Variants in ASTN2 observed in about 807,000 individuals in gnomAD.
The protein encoded by ASTN2 is astrotactin 2.
In ASTN2, 54 loss-of-function variants were observed where a neutral mutation model predicts 139.8. The observed-to-expected ratio is 0.39, with a 90% confidence interval of 0.31 to 0.48. The LOEUF (loss-of-function observed/expected upper bound fraction) is 0.48. Among genes scored for constraint, ASTN2 ranks in the 20% least tolerant of loss-of-function variants. The pLI is 0.95. For synonymous variants in ASTN2, 756 were observed against 719.5 expected (o/e 1.05, Z -0.81); for missense variants, 1,565 against 1,725.1 (o/e 0.91, Z 1.64).
chr9:116,760,808 C>A (rs568350215), intron 13 of ASTN2, among the ~76,000 whole-genome samples: 1 of 151,996 alleles, frequency 6.6e-6, no homozygotes, highest in Non-Finnish European at 1.5e-5. Flanking sequence ...TGGGAAAATG[C>A]AAATCTGCAC....
At chr9:117,263,312 T>C (rs958212100) in intron 2 of ASTN2, among the ~76,000 whole-genome samples, 1 of 152,188 alleles carries the variant, frequency 6.6e-6, no homozygotes, top group African/African-American at 2.4e-5. Context: ...TGTGAACATT[T>C]TTATCTAACT....
chr9:116,832,829 G>T (rs1294104847), intron 11 of ASTN2, among the ~76,000 whole-genome samples: 1 of 151,870 alleles, frequency 6.6e-6, no homozygotes, highest in East Asian at 1.9e-4. Context: ...GTAGTTTTCT[G>T]TTTTTGAACT....
At chr9:116,493,130 A>G (rs1849568123) in intron 19 of ASTN2, among the ~76,000 whole-genome samples, 1 of 152,094 alleles carries the variant, frequency 6.6e-6, no homozygotes, top group South Asian at 2.1e-4. Flanking sequence ...ACCTTAATTC[A>G]AGGATTTGCA....
chr9:116,993,351 C>T (rs1299639107), intron 7 of ASTN2, among the ~76,000 whole-genome samples: 1 of 152,012 alleles, frequency 6.6e-6, no homozygotes, highest in Non-Finnish European at 1.5e-5. Context: ...CAGATATCCA[C>T]AAGGCATGCT....
At chr9:116,681,212 C>A (rs1490366140) in intron 16 of ASTN2, among the ~76,000 whole-genome samples, 1 of 152,202 alleles carries the variant, frequency 6.6e-6, no homozygotes, top group Admixed American at 6.5e-5. Flanking sequence ...AAATCACAAG[C>A]ATTCTTATAT....
intron 19 of ASTN2, among the ~76,000 whole-genome samples, chr9:116,596,080 T>C (rs1191723946): frequency 6.6e-6 from 1 of 152,202 alleles, no homozygotes; most frequent in African/African-American, 2.4e-5. Context: ...ATGCATACAA[T>C]GGATTATCAT....
In ASTN2 at chr9:117,372,343, G is replaced by C. The variant is rs546589854; in HGVS notation, c.442+42154C>G. 3.3e-5 allele frequency among the ~76,000 whole-genome samples: 5 copies of C among 152,194 alleles called. No homozygotes were observed. The South Asian group carries it at 1.0e-3, about 32-fold the overall frequency. ...CTAAGTCAATGATCAGTCAGATATT[G>C]GTACTAGTTAGCAAGTCTTACCAAA... On this transcript the variant is annotated intron_variant, in intron 1 of 22. Coordinates refer to ENST00000313400, the MANE Select transcript of ASTN2 (RefSeq NM_001365068.1).
chr9:116,731,956 A>T (rs906864452), intron 14 of ASTN2, among the ~76,000 whole-genome samples: 1 of 152,212 alleles, frequency 6.6e-6, no homozygotes, highest in Non-Finnish European at 1.5e-5. Flanking sequence ...AGGAGGGAAG[A>T]TTAGACTAGA....
At chr9:116,754,259 C>A (rs144605918) in intron 13 of ASTN2, among the ~76,000 whole-genome samples, 1 of 152,066 alleles carries the variant, frequency 6.6e-6, no homozygotes, top group African/African-American at 2.4e-5. Flanking sequence ...TGAATAGTGC[C>A]GCCATAAACA....
At chr9:116,829,791 C>A (rs1023254420) in intron 11 of ASTN2, among the ~76,000 whole-genome samples, 5 of 152,170 alleles carry the variant, frequency 3.3e-5, no homozygotes, top group African/African-American at 4.8e-5. Flanking sequence ...CAAATCATAT[C>A]ACTGGTCAAT....
chr9:116,454,601 G>A (rs748809862), intron 20 of ASTN2, among the ~76,000 whole-genome samples: 1 of 152,144 alleles, frequency 6.6e-6, no homozygotes, highest in African/African-American at 2.4e-5. Context: ...TATGTTTATT[G>A]TGGCACTATT....
At chr9:117,003,134 C>T (rs560579310) in intron 7 of ASTN2, among the ~76,000 whole-genome samples, 99 of 152,262 alleles carry the variant, frequency 6.5e-4, no homozygotes, top group African/African-American at 2.2e-3. Context: ...CAAATACAGG[C>T]AGAAGATGAG....
chr9:117,374,369 TAAAA>T (rs57428022), intron 1 of ASTN2, among the ~76,000 whole-genome samples: 7 of 87,338 alleles, frequency 8.0e-5, no homozygotes, highest in African/African-American at 3.9e-4. Flanking sequence ...AGGGCAGGGT[TAAAA>T]AAAAAAAAAA....
intron 19 of ASTN2, among the ~76,000 whole-genome samples, chr9:116,529,620 C>G (rs1227246772): frequency 6.6e-6 from 1 of 151,882 alleles, no homozygotes; most frequent in Non-Finnish European, 1.5e-5. Flanking sequence ...TTGCTGTATC[C>G]CCACTCAAAT....
chr9:117,305,166 T>C (rs1469366105), intron 1 of ASTN2, among the ~76,000 whole-genome samples: 1 of 152,226 alleles, frequency 6.6e-6, no homozygotes. Flanking sequence ...AATTCCACTC[T>C]TGTCTTTGCT....
chr9:116,930,424 CA>C (rs1432437191), intron 10 of ASTN2, among the ~76,000 whole-genome samples: 1 of 152,014 alleles, frequency 6.6e-6, no homozygotes, highest in African/African-American at 2.4e-5. Flanking sequence ...AGAGAGGTGT[CA>C]AGTCTCATTC....
chr9:116,593,460 G>A (rs981095097), intron 19 of ASTN2, among the ~76,000 whole-genome samples: 7 of 152,194 alleles, frequency 4.6e-5, no homozygotes, highest in African/African-American at 1.4e-4. Flanking sequence ...GAGGTAACCT[G>A]CTTTTTATCT....
intron 1 of ASTN2, among the ~76,000 whole-genome samples, chr9:117,351,808 G>T (rs1829399363): frequency 6.6e-6 from 1 of 152,070 alleles, no homozygotes; most frequent in Non-Finnish European, 1.5e-5. Flanking sequence ...ATTTGGATGG[G>T]GGGTGCTATA....
At chr9:116,958,076 T>C (rs2132497942) in intron 10 of ASTN2, among the ~76,000 whole-genome samples, 1 of 152,342 alleles carries the variant, frequency 6.6e-6, no homozygotes, top group Non-Finnish European at 1.5e-5. Flanking sequence ...ATTTGTGATG[T>C]TAACTTTGGT....
Sources: allele counts gnomAD v4.1 joint callset (sites outside exome capture counted in the v4.1 genomes callset), GRCh38; gene constraint gnomAD v4.1.1; transcripts MANE v1.5; gene names NCBI Gene and HGNC (gene_info 2026-07-23, HGNC 2026-07-21).